Variants in CDH23 observed in about 807,000 individuals in gnomAD.
CDH23 encodes cadherin-23.
In CDH23, 189 loss-of-function variants were observed where a neutral mutation model predicts 317.1. The observed-to-expected ratio is 0.60, with a 90% CI of 0.53 to 0.67. The LOEUF (loss-of-function observed/expected upper bound fraction) is 0.67, where lower values mean the gene tolerates loss of function less well. Ranked by LOEUF, CDH23 falls within the 30% of genes least tolerant of loss-of-function variation. The pLI is 0.00. For synonymous variants in CDH23, 1,839 were observed against 1,876.8 expected, an observed-to-expected ratio of 0.98 and a Z score of 0.52; for missense variants, 4,401 against 4,592.4, an observed-to-expected ratio of 0.96 and a Z score of 1.20.
intron 3 of CDH23, among the ~76,000 whole-genome samples, chr10:71,477,445 A>T (rs1434017555): frequency 6.6e-6 from 1 of 152,186 alleles, no homozygotes; most frequent in Non-Finnish European, 1.5e-5. Context: ...TTAGGATTAT[A>T]GGCGTGAGCC....
rs374886472 is a variant in CDH23, at chr10:71,678,008, C to G, written c.1752+315C>G. Among the ~76,000 whole-genome samples the G allele has an allele frequency of 1.4e-3, 220 of 152,330 alleles. 6 individuals carry two copies. The South Asian group carries it at 0.044, about 30-fold the overall frequency. ...CCTTCTATCCGCAAAGAATACTGCACAGATTTCAGAGTCAAATTCTTGGTC... is the reference window on the plus strand; with the variant it reads ...CCTTCTATCCGCAAAGAATACTGCAGAGATTTCAGAGTCAAATTCTTGGTC... On this transcript the variant is annotated intron_variant, in intron 16 of 69. Coordinates refer to ENST00000224721, the MANE Select transcript of CDH23 (RefSeq NM_022124.6).
chr10:71,441,830 G>C (rs1589312748), intron 2 of CDH23, among the ~76,000 whole-genome samples: 1 of 152,216 alleles, frequency 6.6e-6, no homozygotes, highest in African/African-American at 2.4e-5. Flanking sequence ...GAGCTCTCCA[G>C]ATGAAAGATG....
chr10:71,564,675 CCT>C (rs1857301483), intron 6 of CDH23, among the ~76,000 whole-genome samples: 1 of 152,242 alleles, frequency 6.6e-6, no homozygotes. Flanking sequence ...GGGAGCCGTC[CCT>C]CTCCTCTGGG....
intron 24 of CDH23, 61 bp downstream of exon 24, chr10:71,702,755 C>T: frequency 6.3e-7 from 1 of 1,596,264 alleles, no homozygotes; most frequent in African/African-American, 1.3e-5. Context: ...CCTGAGGAGC[C>T]TAGCCCAGGC....
intron 1 of CDH23, among the ~76,000 whole-genome samples, chr10:71,432,745 G>C (rs569282978): frequency 1.3e-5 from 2 of 152,300 alleles, no homozygotes; most frequent in East Asian, 3.9e-4. Flanking sequence ...CGACCTCCTC[G>C]CCTAGCGAGG....
Position 71,741,707 on chromosome 10 carries a change from G to T in CDH23, c.4631G>T (p.Gly1544Val). 1.9e-6 allele frequency: 3 copies of T among 1,609,414 alleles called. No individual in the cohort carries two copies. The highest frequency in any genetic ancestry group is 2.5e-6 in the Non-Finnish European group (3 of 1,177,824). Residue 1544 changes from glycine to valine, a missense_variant, in exon 38 of 70, where the codon GGT becomes GTT. By Grantham distance (109) the Gly-to-Val change is moderately radical (BLOSUM62 -3). Coordinates refer to ENST00000224721, the MANE Select transcript of CDH23 (RefSeq NM_022124.6). ...CTCTCCTCCCAGAACGTGGGTGGAG[G>T]TACTGCTGTGGTCCAGGTGAGAGCC... ...NVSVNENVGG[G>V]TAVVQVRATD... is the part of the protein sequence containing the mutation.
At position 71,518,701 on chromosome 10, in the gene CDH23, G is replaced by A. The variant is rs541457945; in HGVS notation, c.429+7489G>A. Reference sequence around the variant, plus strand: ...CCTTCCCCTGCCCACACACACACAGGCTAAATGCCAGCCTGCTCCCCTTGC... The same window carrying A: ...CCTTCCCCTGCCCACACACACACAGACTAAATGCCAGCCTGCTCCCCTTGC... On this transcript the variant is annotated intron_variant, in intron 6 of 69. Transcript: ENST00000224721. 2.2e-4 allele frequency among the ~76,000 whole-genome samples: 33 copies of A among 152,328 alleles called. 1 individual carries two copies. In the East Asian group the frequency reaches 6.0e-3, roughly 28 times the overall value.
intron 14 of CDH23, among the ~76,000 whole-genome samples, chr10:71,674,342 G>A (rs1227047): frequency 0.62 from 94,545 of 152,030 alleles, 30,038 homozygotes; most frequent in East Asian, 0.73. Flanking sequence ...AATATTGAGC[G>A]CAAAGGGATC....
rs373649718 is a variant in CDH23, at chr10:71,803,030, G to C, written c.7615G>C (p.Gly2539Arg). ...ITMMATDQDE[G>R]PNGELTYSLE... ...CATGATGGCCACTGACCAGGATGAA[G>C]GTCCCAATGGAGAGTTGACCTACTC... Residue 2539 changes from glycine to arginine, a missense_variant, in exon 54 of 70, where the codon GGT becomes CGT. By Grantham distance (125) the Gly-to-Arg change is moderately radical. Coordinates refer to ENST00000224721, the MANE Select transcript of CDH23 (RefSeq NM_022124.6). The C allele has an allele frequency of 2.0e-5, 33 of 1,613,832 alleles. No homozygotes were observed. The highest frequency in any genetic ancestry group is 5.0e-5 in the Admixed American group (3 of 60,000).
intron 6 of CDH23, among the ~76,000 whole-genome samples, chr10:71,555,142 C>G (rs995054387): frequency 2.0e-5 from 3 of 152,274 alleles, no homozygotes; most frequent in South Asian, 4.1e-4. Flanking sequence ...CTCTAAATAG[C>G]TAAGAACTGG....
chr10:71,739,619 C>T (rs1839679686), intron 35 of CDH23, 25 bp from the exon 36 acceptor site: 3 of 1,610,350 alleles, frequency 1.9e-6, no homozygotes, highest in Middle Eastern at 1.8e-4. Context: ...ACCTGCTCAC[C>T]CCTCACCCTC....
chr10:71,405,476 C>T (rs1409735081), intron 1 of CDH23, among the ~76,000 whole-genome samples: 8 of 151,100 alleles, frequency 5.3e-5, no homozygotes, highest in East Asian at 3.9e-4. Flanking sequence ...CCCTGTCGCC[C>T]GGACTGGAAT....
intron 9 of CDH23, among the ~76,000 whole-genome samples, chr10:71,584,702 G>A (rs141131231): frequency 6.1e-4 from 93 of 152,298 alleles, no homozygotes; most frequent in Non-Finnish European, 8.5e-4. Context: ...ACCATCGTGC[G>A]AAACACTTCA....
intron 6 of CDH23, among the ~76,000 whole-genome samples, chr10:71,560,703 C>T (rs959859514): frequency 6.6e-6 from 1 of 152,052 alleles, no homozygotes; most frequent in Non-Finnish European, 1.5e-5. Context: ...TAGCCCCTCT[C>T]CTCTCCCCAC....
At chr10:71,680,474 G>A (rs765282449) in intron 17 of CDH23, among the ~76,000 whole-genome samples, 1 of 152,162 alleles carries the variant, frequency 6.6e-6, no homozygotes, top group African/African-American at 2.4e-5. Flanking sequence ...TCTGACCAGC[G>A]CGGTGGCTCA....
chr10:71,715,817 G>C (rs1422248738), intron 28 of CDH23: 1 of 991,950 alleles, frequency 1.0e-6, no homozygotes, highest in African/African-American at 1.7e-5. Context: ...CGGGGGGTGA[G>C]TGTGTGTCCC....
chr10:71,558,235 G>A (rs1056225769), intron 6 of CDH23, among the ~76,000 whole-genome samples: 4 of 152,076 alleles, frequency 2.6e-5, no homozygotes, highest in Non-Finnish European at 5.9e-5. Context: ...CCTGACCTCA[G>A]GTGATTCACC....
At chr10:71,608,187 G>C (rs764969214) in intron 9 of CDH23, among the ~76,000 whole-genome samples, 3 of 152,178 alleles carry the variant, frequency 2.0e-5, no homozygotes, top group African/African-American at 7.2e-5. Context: ...CTCAGTATGC[G>C]GTCTTCACCA....
chr10:71,779,542 C>T, intron 41 of CDH23, 95 bp downstream of exon 41: 2 of 1,069,176 alleles, frequency 1.9e-6, no homozygotes, highest in Non-Finnish European at 2.6e-6. Context: ...TTTGGCCTCA[C>T]CATTGTGTGA....
Sources: allele counts gnomAD v4.1 joint callset (sites outside exome capture counted in the v4.1 genomes callset), GRCh38; gene constraint gnomAD v4.1.1; transcripts MANE v1.5; gene names NCBI Gene and HGNC (gene_info 2026-07-23, HGNC 2026-07-21).